Variants in JAZF1 observed in about 807,000 individuals in gnomAD.
JAZF1 encodes juxtaposed with another zinc finger protein 1.
A neutral mutation model predicts 26.4 loss-of-function variants in JAZF1; 8 were observed. The ratio of observed to expected loss-of-function variants is 0.30; its 90% confidence interval spans 0.18 to 0.55. The LOEUF (loss-of-function observed/expected upper bound fraction) is 0.55, where lower values mean the gene tolerates loss of function less well. JAZF1 is among the 20% of genes least tolerant of loss of function. JAZF1 has a pLI of 0.94. For synonymous variants in JAZF1, 126 were observed against 122.3 expected, an observed-to-expected ratio of 1.03 and a Z score of -0.20; for missense variants, 199 against 322.0, an observed-to-expected ratio of 0.62 and a Z score of 2.92.
intron 2 of JAZF1, among the ~76,000 whole-genome samples, chr7:27,924,387 T>C (rs781079228): frequency 9.2e-5 from 14 of 152,196 alleles, no homozygotes; most frequent in Non-Finnish European, 1.6e-4. Context: ...ACAATCTTAA[T>C]AGGCCCTTAA....
rs183184543 is a variant in JAZF1, at chr7:27,880,035, G to A, written c.385+15185C>T. Among the ~76,000 whole-genome samples the A allele has an allele frequency of 1.9e-3, 282 of 152,218 alleles. 1 individual carries two copies. Among genetic ancestry groups the A allele is most frequent in the African/African-American group, 6.6e-3 (275 of 41,518 alleles). On this transcript the variant is annotated intron_variant, in intron 3 of 4. Transcript: ENST00000283928. ...GGCTGTTAGATGCTATTTTTAAGAG[G>A]CACAGCTACCACGAAGATGGAGCTA...
At chr7:27,873,598 G>C (rs772440708) in intron 3 of JAZF1, among the ~76,000 whole-genome samples, 10 of 152,086 alleles carry the variant, frequency 6.6e-5, no homozygotes, top group Non-Finnish European at 1.5e-4. Flanking sequence ...ACTTTCCCCC[G>C]GTCATTGTTA....
intron 1 of JAZF1, among the ~76,000 whole-genome samples, chr7:28,109,649 G>C (rs1784608670): frequency 6.6e-6 from 1 of 152,182 alleles, no homozygotes; most frequent in South Asian, 2.1e-4. Context: ...ACTAAGGTTT[G>C]TACAAATTAA....
At chr7:27,857,093 C>T (rs967798029) in intron 3 of JAZF1, among the ~76,000 whole-genome samples, 11 of 152,222 alleles carry the variant, frequency 7.2e-5, no homozygotes, top group Admixed American at 2.0e-4. Context: ...AACTGGGCGC[C>T]GTGGAGCAGG....
intron 2 of JAZF1, among the ~76,000 whole-genome samples, chr7:27,963,569 C>T (rs10252207): frequency 0.45 from 59,124 of 132,466 alleles, 13,481 homozygotes; most frequent in East Asian, 0.46. Context: ...CCCCCCCCCC[C>T]TTTTTTTTTG....
chr7:28,061,717 C>CCAGTATATTACAAATAAT (rs1783799828), intron 1 of JAZF1, among the ~76,000 whole-genome samples: 1 of 151,962 alleles, frequency 6.6e-6, no homozygotes, highest in South Asian at 2.1e-4. Context: ...CCAGAATGGC[C>CCAGTATATTACAAATAAT]GTATTTACAA....
chr7:27,971,207 G>A (rs1022150746), intron 2 of JAZF1, among the ~76,000 whole-genome samples: 1 of 152,186 alleles, frequency 6.6e-6, no homozygotes, highest in Non-Finnish European at 1.5e-5. Flanking sequence ...TTTGGGTGTC[G>A]TTTGTGATGA....
intron 1 of JAZF1, among the ~76,000 whole-genome samples, chr7:28,164,587 A>T (rs1334757571): frequency 6.6e-6 from 1 of 152,234 alleles, no homozygotes; most frequent in African/African-American, 2.4e-5. Context: ...AAAGAAAAAA[A>T]CTGTTCATGG....
intron 1 of JAZF1, among the ~76,000 whole-genome samples, chr7:28,039,881 T>A (rs368262064): frequency 4.0e-4 from 61 of 152,344 alleles, no homozygotes; most frequent in African/African-American, 1.3e-3. Context: ...ACTATACTTG[T>A]CAGTTAAAGT....
intron 1 of JAZF1, among the ~76,000 whole-genome samples, chr7:28,099,294 T>C (rs1784430303): frequency 1.3e-5 from 2 of 152,126 alleles, no homozygotes; most frequent in African/African-American, 2.4e-5. Flanking sequence ...GTATTCAGTC[T>C]GACTAAAAAA....
chr7:28,081,313 G>A (rs749065537), intron 1 of JAZF1, among the ~76,000 whole-genome samples: 1 of 152,174 alleles, frequency 6.6e-6, no homozygotes, highest in Non-Finnish European at 1.5e-5. Flanking sequence ...AAGACAGGAT[G>A]ACCAGCTCGG....
At chr7:28,023,403 C>G (rs1783039804) in intron 1 of JAZF1, among the ~76,000 whole-genome samples, 1 of 152,160 alleles carries the variant, frequency 6.6e-6, no homozygotes, top group Non-Finnish European at 1.5e-5. Context: ...AAACGATTTT[C>G]CAATTATGTT....
At chr7:27,993,120 T>G (rs1785936828) in intron 1 of JAZF1, among the ~76,000 whole-genome samples, 1 of 152,242 alleles carries the variant, frequency 6.6e-6, no homozygotes, top group Non-Finnish European at 1.5e-5. Context: ...TTCGTGGTGT[T>G]AAAATTAAGA....
At chr7:27,846,559 T>C (rs1218148538) in intron 3 of JAZF1, 4 of 470,926 alleles carry the variant, frequency 8.5e-6, no homozygotes, top group African/African-American at 6.0e-5. Flanking sequence ...TGTAGGTATA[T>C]AACCAGAAGA....
At chr7:28,173,762 T>C (rs1274417340) in intron 1 of JAZF1, among the ~76,000 whole-genome samples, 1 of 151,246 alleles carries the variant, frequency 6.6e-6, no homozygotes, top group Non-Finnish European at 1.5e-5. Flanking sequence ...GGGCAGACAG[T>C]CTATTGTTAG....
chr7:27,959,555 G>A (rs980034382), intron 2 of JAZF1, among the ~76,000 whole-genome samples: 5 of 152,084 alleles, frequency 3.3e-5, no homozygotes, highest in Admixed American at 6.6e-5. Context: ...TGGCACCCAC[G>A]AGTATACAGT....
At chr7:27,949,913 A>G (rs1784982157) in intron 2 of JAZF1, among the ~76,000 whole-genome samples, 1 of 152,234 alleles carries the variant, frequency 6.6e-6, no homozygotes, top group African/African-American at 2.4e-5. Flanking sequence ...ACACAGGTCA[A>G]AATTATCTCT....
chr7:28,056,361 C>T (rs2128381380), intron 1 of JAZF1, among the ~76,000 whole-genome samples: 1 of 151,258 alleles, frequency 6.6e-6, no homozygotes, highest in East Asian at 2.0e-4. Context: ...AAGTCTTTAC[C>T]ATATAAAAAT....
At chr7:28,090,477 G>A (rs1410408684) in intron 1 of JAZF1, among the ~76,000 whole-genome samples, 1 of 152,100 alleles carries the variant, frequency 6.6e-6, no homozygotes, top group Non-Finnish European at 1.5e-5. Context: ...ATAAATTCTA[G>A]GCCAATTACA....
Sources: gnomAD v4.1 joint callset for allele counts (sites outside exome capture counted in the v4.1 genomes callset) on GRCh38, gnomAD v4.1.1 for gene constraint, MANE v1.5 for transcripts, NCBI Gene and HGNC (gene_info 2026-07-23, HGNC 2026-07-21) for gene names.